The following MAPRE2 variants were observed in gnomAD, a reference collection of about 807,000 sequenced individuals.
MAPRE2 encodes the protein microtubule-associated protein RP/EB family member 2.
MAPRE2 carries 13 observed loss-of-function variants against 43.2 expected under a neutral mutation model. That is an observed-to-expected ratio of 0.30 (90% CI 0.20 to 0.48). The LOEUF (loss-of-function observed/expected upper bound fraction) is 0.48. Among genes scored for constraint, MAPRE2 ranks in the 20% least tolerant of loss-of-function variants. MAPRE2 has a pLI of 0.99. For synonymous variants in MAPRE2, 135 were observed against 148.8 expected (o/e 0.91, Z 0.68); for missense variants, 161 against 400.2 (o/e 0.40, Z 5.10).
chr18:34,994,743 A>G (rs921244439), intron 1 of MAPRE2, among the ~76,000 whole-genome samples: 2 of 152,238 alleles, frequency 1.3e-5, no homozygotes, highest in Non-Finnish European at 2.9e-5. Context: ...AGAAATTTAT[A>G]GTTGCTAAAG....
chr18:35,089,709 C>A (rs1195471705), intron 2 of MAPRE2, among the ~76,000 whole-genome samples: 1 of 152,158 alleles, frequency 6.6e-6, no homozygotes, highest in Non-Finnish European at 1.5e-5. Flanking sequence ...AAATAGTACA[C>A]CTGCTTTGGA....
chr18:35,122,759 G>A (rs1909740200), intron 4 of MAPRE2, among the ~76,000 whole-genome samples: 3 of 152,138 alleles, frequency 2.0e-5, no homozygotes, highest in Admixed American at 6.5e-5. Context: ...GGAGGTGCAC[G>A]TGTGTGTGCC....
At chr18:35,114,483 T>C (rs1367171233) in intron 4 of MAPRE2, among the ~76,000 whole-genome samples, 2 of 152,172 alleles carry the variant, frequency 1.3e-5, no homozygotes, top group Admixed American at 1.3e-4. Context: ...TTAAAACCAT[T>C]TGTTCCAGGC....
intron 1 of MAPRE2, among the ~76,000 whole-genome samples, chr18:35,064,039 C>G (rs1171443584): frequency 2.2e-5 from 2 of 91,986 alleles, no homozygotes; most frequent in Non-Finnish European, 5.3e-5. Context: ...AAAAATCTGG[C>G]CAACGTGATG....
intron 2 of MAPRE2, among the ~76,000 whole-genome samples, chr18:35,032,613 C>T (rs141634238): frequency 1.1e-4 from 16 of 152,180 alleles, no homozygotes; most frequent in African/African-American, 2.9e-4. Context: ...AATTAAAATT[C>T]GAGTTAATGC....
intron 1 of MAPRE2, among the ~76,000 whole-genome samples, chr18:34,999,589 T>C (rs1180312718): frequency 1.3e-5 from 2 of 152,204 alleles, no homozygotes; most frequent in African/African-American, 4.8e-5. Flanking sequence ...CTAAATCATA[T>C]GACCATCAGT....
At chr18:35,027,674 C>T (rs979710168) in intron 2 of MAPRE2, among the ~76,000 whole-genome samples, 12 of 152,162 alleles carry the variant, frequency 7.9e-5, no homozygotes, top group Admixed American at 6.5e-4. Context: ...CAATAGAGAA[C>T]CAACAGGGTT....
chr18:35,062,551 A>G (rs961035784), intron 1 of MAPRE2, among the ~76,000 whole-genome samples: 4 of 152,242 alleles, frequency 2.6e-5, no homozygotes, highest in African/African-American at 7.2e-5. Context: ...ACCTTTAACC[A>G]GGAACAACTC....
chr18:35,043,175 CTCTTACTCCT>C (rs1568981188), intron 1 of MAPRE2, among the ~76,000 whole-genome samples: 1 of 152,188 alleles, frequency 6.6e-6, no homozygotes, highest in Admixed American at 6.5e-5. Flanking sequence ...GCCTCTTCTC[CTCTTACTCCT>C]CCACCTTTTT....
chr18:35,026,841 TC>T (rs2097045513), intron 2 of MAPRE2, among the ~76,000 whole-genome samples: 1 of 152,014 alleles, frequency 6.6e-6, no homozygotes, highest in African/African-American at 2.4e-5. Flanking sequence ...GCAGGCAGAG[TC>T]CCTCTTCAAG....
intron 2 of MAPRE2, among the ~76,000 whole-genome samples, chr18:35,093,373 C>T (rs935026551): frequency 2.0e-5 from 3 of 151,938 alleles, no homozygotes; most frequent in Admixed American, 1.3e-4. Context: ...CCTCAAAACA[C>T]TAAAAATAGA....
intron 4 of MAPRE2, among the ~76,000 whole-genome samples, chr18:35,113,550 G>C (rs1198125097): frequency 6.6e-6 from 1 of 152,196 alleles, no homozygotes; most frequent in Non-Finnish European, 1.5e-5. Flanking sequence ...CTCAGAATCT[G>C]AATCTTAATA....
At chr18:35,019,591 A>G (rs1267958947) in intron 2 of MAPRE2, among the ~76,000 whole-genome samples, 1 of 152,004 alleles carries the variant, frequency 6.6e-6, no homozygotes, top group Non-Finnish European at 1.5e-5. Flanking sequence ...ACTTTATGTC[A>G]TAAGCAGTTT....
At chr18:35,081,383 A>G (rs1907622443) in intron 2 of MAPRE2, among the ~76,000 whole-genome samples, 2 of 152,206 alleles carry the variant, frequency 1.3e-5, no homozygotes, top group Admixed American at 1.3e-4. Flanking sequence ...AGCAACTCAT[A>G]AAGAACAATA....
At chr18:35,049,848 A>G (rs958964759) in intron 1 of MAPRE2, among the ~76,000 whole-genome samples, 3 of 152,162 alleles carry the variant, frequency 2.0e-5, no homozygotes, top group African/African-American at 7.2e-5. Context: ...TGACCTCTAT[A>G]TTTGTCTTAC....
chr18:35,115,129 T>G (rs563573677), intron 4 of MAPRE2, among the ~76,000 whole-genome samples: 48 of 152,336 alleles, frequency 3.2e-4, no homozygotes, highest in African/African-American at 1.2e-3. Context: ...AACTTTGTCT[T>G]GCTCAATCAT....
intron 1 of MAPRE2, among the ~76,000 whole-genome samples, chr18:34,996,277 G>A (rs936734923): frequency 6.6e-6 from 1 of 152,060 alleles, no homozygotes; most frequent in Non-Finnish European, 1.5e-5. Flanking sequence ...CTGGGGGTAG[G>A]GTGGAGGATG....
At chr18:35,013,587 A>G (rs1282570678) in intron 2 of MAPRE2, among the ~76,000 whole-genome samples, 5 of 152,278 alleles carry the variant, frequency 3.3e-5, no homozygotes, top group African/African-American at 1.2e-4. Context: ...TAGTCAACCT[A>G]CAATGGTATA....
intron 2 of MAPRE2, among the ~76,000 whole-genome samples, chr18:35,032,936 A>G (rs893743325): frequency 1.3e-5 from 2 of 152,112 alleles, no homozygotes; most frequent in African/African-American, 4.8e-5. Context: ...TAGTACAGAT[A>G]GTTGCTGATT....
Sources: allele counts gnomAD v4.1 joint callset (sites outside exome capture counted in the v4.1 genomes callset), GRCh38; gene constraint gnomAD v4.1.1; transcripts MANE v1.5; gene names NCBI Gene and HGNC (gene_info 2026-07-23, HGNC 2026-07-21).